The following OR10J1 variants were observed in gnomAD, a reference collection of about 807,000 sequenced individuals.
OR10J1 encodes the protein olfactory receptor 10J1.
For synonymous variants in OR10J1, 202 were observed against 143.8 expected (o/e 1.40, Z -2.89); for missense variants, 474 against 376.6 (o/e 1.26, Z -2.14).
At chr1:159,404,221 A>AATAAC in the OR10J1 span, among the ~76,000 whole-genome samples, 1 of 152,152 alleles carries the variant, frequency 6.6e-6, no homozygotes, top group Non-Finnish European at 1.5e-5. Flanking sequence ...TATAGTCAAA[A>AATAAC]ATAACTGTAC....
chr1:159,440,487 C>A lies in OR10J1; in HGVS notation c.696C>A (p.Gly232=), dbSNP rs747548736. Reference sequence around the variant, plus strand: ...TCCTCAAGATTGCTTCAGTTGAGGGCCGGAAGAAGGCTTTTGCCACCTGTG... The same window carrying A: ...TCCTCAAGATTGCTTCAGTTGAGGGACGGAAGAAGGCTTTTGCCACCTGTG... The part of the protein sequence containing the change: ...STILKIASVE[G]RKKAFATCAS... The change falls in exon 1 of 1, where the codon GGC becomes GGA. Residue 232 remains glycine, a synonymous_variant. Transcript: ENST00000423932. 2.5e-6 allele frequency: 4 copies of A among 1,614,062 alleles called. No individual in the cohort carries two copies. The highest frequency in any genetic ancestry group is 3.4e-6 in the Non-Finnish European group (4 of 1,180,014).
upstream of OR10J1, among the ~76,000 whole-genome samples, chr1:159,433,756 A>C (rs1174457565): frequency 6.6e-6 from 1 of 152,192 alleles, no homozygotes; most frequent in Non-Finnish European, 1.5e-5. Context: ...GCTTCTGCGG[A>C]ACCTGACCTA....
the OR10J1 span, among the ~76,000 whole-genome samples, chr1:159,416,607 A>G: frequency 6.6e-6 from 1 of 151,940 alleles, no homozygotes; most frequent in Admixed American, 6.6e-5. Context: ...ACAATGAGTT[A>G]GAGAAAATTT....
chr1:159,428,209 TA>T, the OR10J1 span, among the ~76,000 whole-genome samples: 3 of 152,134 alleles, frequency 2.0e-5, no homozygotes, highest in Non-Finnish European at 4.4e-5. Flanking sequence ...ATGAGAGAGA[TA>T]AAAATCAGAA....
upstream of OR10J1, chr1:159,433,044 T>C (rs761051331): frequency 1.3e-5 from 6 of 449,944 alleles, no homozygotes; most frequent in Admixed American, 3.4e-5. Flanking sequence ...TACACTGTTA[T>C]TACTCCTCTG....
In OR10J1 at chr1:159,440,734, A is replaced by T; in HGVS notation, c.*13A>T. 2 of 1,600,786 alleles carry T rather than the reference A, an allele frequency of 1.2e-6. No homozygotes were observed. The highest frequency in any genetic ancestry group is 8.5e-7 in the Non-Finnish European group (1 of 1,171,282). Reference sequence around the variant, plus strand: ...GAAGTTTTCCTGACCATGTAGGAAGAGTTCTCCTGAGGCTGTCAACATCCA... The same window carrying T: ...GAAGTTTTCCTGACCATGTAGGAAGTGTTCTCCTGAGGCTGTCAACATCCA... On this transcript the variant is annotated 3_prime_UTR_variant, in exon 1 of 1. Transcript: ENST00000423932.
the OR10J1 span, among the ~76,000 whole-genome samples, chr1:159,420,901 T>C: frequency 6.6e-6 from 1 of 152,168 alleles, no homozygotes; most frequent in Non-Finnish European, 1.5e-5. Flanking sequence ...TGTATCTATT[T>C]GTGAATCTTT....
At chr1:159,412,840 A>T in the OR10J1 span, among the ~76,000 whole-genome samples, 1 of 151,674 alleles carries the variant, frequency 6.6e-6, no homozygotes, top group South Asian at 2.1e-4. Context: ...GACAAATGGG[A>T]TCTAATTAAA....
the OR10J1 span, among the ~76,000 whole-genome samples, chr1:159,404,271 G>C: frequency 6.6e-6 from 1 of 152,102 alleles, no homozygotes; most frequent in African/African-American, 2.4e-5. Context: ...AAAGGCCTGA[G>C]TTGGAGAAAC....
the OR10J1 span, among the ~76,000 whole-genome samples, chr1:159,411,928 C>G: frequency 6.6e-6 from 1 of 151,976 alleles, no homozygotes; most frequent in African/African-American, 2.4e-5. Context: ...GATTGTATAT[C>G]TAGAAAACCC....
the OR10J1 span, among the ~76,000 whole-genome samples, chr1:159,411,296 A>G: frequency 3.3e-5 from 5 of 151,872 alleles, no homozygotes; most frequent in Admixed American, 1.3e-4. Context: ...TTGACAGTGG[A>G]GTGTTAAAGT....
Position 159,439,888 on chromosome 1 carries a change from G to C in OR10J1, c.97G>C (p.Ala33Pro), listed in dbSNP as rs764036420. 1.9e-6 allele frequency: 3 copies of C among 1,614,076 alleles called. No individual in the cohort carries two copies. The South Asian group carries it at 3.3e-5, about 18-fold the overall frequency. ...GATCACCCTTTTTGGCGTGTTCCTT[G>C]CACTATACATCTTAACCTTAGCAGG... is the stretch of plus-strand genomic sequence containing the variant. The part of the protein sequence containing the change: ...QQITLFGVFL[A>P]LYILTLAGNI... Residue 33 changes from alanine to proline, a missense_variant, in exon 1 of 1, where the codon GCA (alanine) becomes CCA (proline). Transcript: ENST00000423932.
chr1:159,434,670 C>T (rs551949444), upstream of OR10J1, among the ~76,000 whole-genome samples: 1 of 152,162 alleles, frequency 6.6e-6, no homozygotes. Flanking sequence ...TCTGCCATTA[C>T]AAGCATGTGT....
the OR10J1 span, among the ~76,000 whole-genome samples, chr1:159,408,886 A>G: frequency 1.3e-5 from 2 of 152,032 alleles, no homozygotes; most frequent in African/African-American, 2.4e-5. Context: ...AGTGGTTCTG[A>G]ATGGATCTAG....
chr1:159,433,278 T>C (rs1357085478), upstream of OR10J1: 4 of 396,414 alleles, frequency 1.0e-5, no homozygotes, highest in African/African-American at 2.1e-5. Context: ...CCCTCATAGA[T>C]TGAAAAAAGA....
the OR10J1 span, among the ~76,000 whole-genome samples, chr1:159,412,999 CA>C: frequency 3.2e-4 from 48 of 151,906 alleles, no homozygotes; most frequent in Admixed American, 7.2e-4. Context: ...AAGAAAAAAA[CA>C]AACAACCCCA....
the OR10J1 span, chr1:159,432,604 C>G: frequency 4.3e-6 from 2 of 468,640 alleles, no homozygotes; most frequent in Admixed American, 6.4e-5. Context: ...CTACAGTATT[C>G]AGTCATCATG....
chr1:159,408,369 A>G, the OR10J1 span, among the ~76,000 whole-genome samples: 1 of 151,782 alleles, frequency 6.6e-6, no homozygotes, highest in Admixed American at 6.6e-5. Context: ...GCAAGAACAA[A>G]AAACCAAACA....
chr1:159,403,575 C>A, the OR10J1 span, among the ~76,000 whole-genome samples: 2 of 152,082 alleles, frequency 1.3e-5, no homozygotes, highest in Admixed American at 6.6e-5. Context: ...TATCATCTCA[C>A]CCCAGTTAAA....
Sources: gnomAD v4.1 joint callset for allele counts (sites outside exome capture counted in the v4.1 genomes callset) on GRCh38, gnomAD v4.1.1 for gene constraint, MANE v1.5 for transcripts, NCBI Gene and HGNC (gene_info 2026-07-23, HGNC 2026-07-21) for gene names.